SNX14: variants seen among roughly 807,000 people sequenced by gnomAD.
The protein encoded by SNX14 is sorting nexin-14.
In SNX14, 93 loss-of-function variants were observed where a neutral mutation model predicts 133.8. The ratio of observed to expected loss-of-function variants is 0.70; its 90% CI spans 0.59 to 0.83. SNX14 has a LOEUF of 0.83. SNX14 is among the 40% of genes least tolerant of loss of function. SNX14 has a pLI of 0.00. For missense variants in SNX14, 945 were observed against 1,094.9 expected (o/e 0.86, Z 1.93); for synonymous variants, 368 against 365.6 (o/e 1.01, Z -0.07).
Position 85,547,414 on chromosome 6 carries a change from A to G in SNX14, c.913-17T>C, listed in dbSNP as rs1262638249. 3 of 1,611,716 alleles carry G rather than the reference A, an allele frequency of 1.9e-6. No individual in the cohort carries two copies. The highest frequency in any genetic ancestry group is 2.5e-6 in the Non-Finnish European group (3 of 1,179,418). On this transcript the variant is annotated splice_polypyrimidine_tract_variant and intron_variant, in intron 10 of 28. Coordinates refer to ENST00000314673, the MANE Select transcript of SNX14 (RefSeq NM_153816.6). ...TTTTTCAGGCTTTGAAAGAAAGAGA[A>G]TTATTAACTCAGTAAAATTCCCACT...
Position 85,548,387 on chromosome 6 carries a change from AAATAAT to A in SNX14, c.792-17_792-12del, listed in dbSNP as rs953372724. The A allele has an allele frequency of 1.9e-6, 3 of 1,554,690 alleles. No individual in the cohort carries two copies. In the African/African-American group the frequency reaches 4.1e-5, roughly 21 times the overall value. On this transcript the variant is annotated splice_polypyrimidine_tract_variant and intron_variant, in intron 8 of 28. Transcript: ENST00000314673. ...AGTAAGGTCAGAGATCTGGAAAAAG[AAATAAT>A]AATAATTGTTTATATTTAGTGATTT...
chr6:85,580,769 C>T (rs545901278), intron 1 of SNX14, among the ~76,000 whole-genome samples: 1 of 152,154 alleles, frequency 6.6e-6, no homozygotes, highest in South Asian at 2.1e-4. Flanking sequence ...GGCTCTTTTG[C>T]CTGGGGAAAA....
chr6:85,526,340 T>C, intron 20 of SNX14, 103 bp from the exon 21 acceptor site: 1 of 714,368 alleles, frequency 1.4e-6, no homozygotes, highest in Non-Finnish European at 2.3e-6. Flanking sequence ...AAAGCTACTT[T>C]ATATTTAAAA....
chr6:85,521,558 G>A (rs762786591), intron 21 of SNX14, among the ~76,000 whole-genome samples: 5 of 152,064 alleles, frequency 3.3e-5, no homozygotes, highest in Non-Finnish European at 5.9e-5. Context: ...TTAAATAGTT[G>A]CAAAACATAC....
chr6:85,530,730 CATTATT>C (rs1780024721), intron 18 of SNX14, among the ~76,000 whole-genome samples: 1 of 151,658 alleles, frequency 6.6e-6, no homozygotes, highest in South Asian at 2.1e-4. Flanking sequence ...TTTGGCATAA[CATTATT>C]AACACATTTT....
At chr6:85,507,893 T>A in intron 27 of SNX14, 75 bp downstream of exon 27, 1 of 1,093,226 alleles carries the variant, frequency 9.1e-7, no homozygotes, top group Non-Finnish European at 1.4e-6. Flanking sequence ...ATACAACTAA[T>A]GAGTTACCAG....
rs1771346637 is a variant in SNX14, at chr6:85,508,009, G to A, written c.2704C>T (p.Leu902Phe). ...GGTTGCTGTAAGCCATCAAACAGAA[G>A]TCTGATGCTTTCATACTTGGTTTCT... ...GEETKYESIRLLFDGLQQPVL... is the reference protein window; with the variant it reads ...GEETKYESIRFLFDGLQQPVL... Residue 902 changes from leucine (L) to phenylalanine (F), a missense_variant, in exon 27 of 29, where the codon CTT becomes TTT. Leu to Phe is a conservative substitution (Grantham distance 22). Coordinates refer to ENST00000314673, the MANE Select transcript of SNX14 (RefSeq NM_153816.6). The A allele has an allele frequency of 1.9e-6, 3 of 1,613,510 alleles. No homozygotes were observed. The highest frequency in any genetic ancestry group is 2.5e-6 in the Non-Finnish European group (3 of 1,179,668).
rs564756295 is a variant in SNX14 at position 85,591,624 on chromosome 6, G to A, written c.140+1955C>T. Among the ~76,000 whole-genome samples, 5 of 152,266 alleles carry A rather than the reference G, an allele frequency of 3.3e-5. No individual in the cohort carries two copies. The East Asian group carries it at 7.7e-4, about 24-fold the overall frequency. ...ATAAGTAGATGACCTCAGAAATCTA[G>A]TTTAACCTGCTCCTACTAGATGGCT... On this transcript the variant is annotated intron_variant, in intron 1 of 28. Coordinates refer to ENST00000314673, the MANE Select transcript of SNX14 (RefSeq NM_153816.6).
At chr6:85,556,403 GA>G (rs200591682) in intron 7 of SNX14, among the ~76,000 whole-genome samples, 19 of 148,596 alleles carry the variant, frequency 1.3e-4, no homozygotes, top group South Asian at 6.4e-4. Context: ...ATCTCTGAAA[GA>G]AAAAAAATTT....
chr6:85,548,664 G>T (rs1015554007), intron 8 of SNX14, among the ~76,000 whole-genome samples: 2 of 152,006 alleles, frequency 1.3e-5, no homozygotes, highest in South Asian at 2.1e-4. Flanking sequence ...GAACTTGGGG[G>T]ACATTAGGAA....
At chr6:85,523,547 G>A (rs1777558145) in intron 21 of SNX14, among the ~76,000 whole-genome samples, 1 of 152,240 alleles carries the variant, frequency 6.6e-6, no homozygotes, top group African/African-American at 2.4e-5. Context: ...GGCTGAGGCA[G>A]ACGGATCACT....
At chr6:85,508,201 A>C in intron 26 of SNX14, 142 bp from the exon 27 acceptor site, 1 of 1,353,506 alleles carries the variant, frequency 7.4e-7, no homozygotes, top group Non-Finnish European at 9.5e-7. Flanking sequence ...CAGTGTTTCT[A>C]TAAGAGGCTC....
intron 1 of SNX14, among the ~76,000 whole-genome samples, chr6:85,575,539 T>C (rs1006767124): frequency 1.3e-5 from 2 of 152,158 alleles, no homozygotes; most frequent in African/African-American, 4.8e-5. Flanking sequence ...GCAATACACT[T>C]TACAAACATG....
chr6:85,542,074 ATTACAC>A lies in SNX14; in HGVS notation c.1390-37_1390-32del, dbSNP rs780581523. 5.0e-6 allele frequency: 7 copies of A among 1,403,700 alleles called. No homozygotes were observed. In the East Asian group the frequency reaches 1.0e-4, roughly 21 times the overall value. 87.0% of individuals were successfully genotyped at this position (1,403,700 alleles called of 1,614,324 possible). On this transcript the variant is annotated intron_variant, in intron 14 of 28. Transcript: ENST00000314673. ...AAATAACAAATAATAATTATCATTTATTACACTTACAATTAACATTAAAACATGTTA... is the reference window on the plus strand; with the variant it reads ...AAATAACAAATAATAATTATCATTTATTACAATTAACATTAAAACATGTTA...
At position 85,541,882 on chromosome 6, in the gene SNX14, C is replaced by A. The variant is rs1783868744; in HGVS notation, c.1448+103G>T. On this transcript the variant is annotated intron_variant, in intron 15 of 28. Transcript: ENST00000314673. ...TAAAATGCCTTGTGAACTCATATAA[C>A]AATGGAACCACATATTCATTCAGAA... 5 of 787,766 alleles carry A rather than the reference C, an allele frequency of 6.3e-6. No homozygotes were observed. In the Admixed American group the frequency reaches 9.1e-5, roughly 14 times the overall value. The allele number at this position is 787,766 out of a possible 1,614,324, so 48.8% of individuals were successfully genotyped here.
intron 1 of SNX14, chr6:85,588,819 A>C (rs1369547870): frequency 2.2e-6 from 1 of 453,152 alleles, no homozygotes; most frequent in Non-Finnish European, 4.4e-6. Context: ...TAGAGAAAAC[A>C]ACATGCTATT....
chr6:85,564,945 T>A (rs1039990132), intron 6 of SNX14, among the ~76,000 whole-genome samples: 2 of 150,724 alleles, frequency 1.3e-5, no homozygotes, highest in Non-Finnish European at 2.9e-5. Flanking sequence ...GCTGAGATCA[T>A]GCCACTGTAC....
At chr6:85,561,344 T>C (rs1478112186) in intron 6 of SNX14, 1 of 148,666 alleles carries the variant, frequency 6.7e-6, no homozygotes, top group African/African-American at 2.5e-5. Flanking sequence ...TGAAACCCTG[T>C]CTCAAAAAAA....
chr6:85,592,012 C>G (rs1802931945), intron 1 of SNX14, among the ~76,000 whole-genome samples: 1 of 152,096 alleles, frequency 6.6e-6, no homozygotes, highest in Non-Finnish European at 1.5e-5. Context: ...GACTCCGTCT[C>G]AAAAATAAAA....
Sources: gnomAD v4.1 joint callset for allele counts (sites outside exome capture counted in the v4.1 genomes callset) on GRCh38, gnomAD v4.1.1 for gene constraint, MANE v1.5 for transcripts, NCBI Gene and HGNC (gene_info 2026-07-23, HGNC 2026-07-21) for gene names.